FHIT: variants seen among roughly 807,000 people sequenced by gnomAD.
FHIT encodes the protein bis(5'-adenosyl)-triphosphatase.
A neutral mutation model predicts 17.9 loss-of-function variants in FHIT; 19 were observed. The ratio of observed to expected loss-of-function variants is 1.06; its 90% CI spans 0.74 to 1.56. The LOEUF is 1.56. FHIT is among the 40% of genes most tolerant of loss of function. The probability of loss-of-function intolerance (pLI) is 0.00; values close to 1 mark genes in which losing one functional copy is unlikely to be tolerated. For missense variants in FHIT, 248 were observed against 189.2 expected, an observed-to-expected ratio of 1.31 and a Z score of -1.82; for synonymous variants, 81 against 69.7, an observed-to-expected ratio of 1.16 and a Z score of -0.81.
At chr3:60,488,743 C>T (rs1424564960) in intron 5 of FHIT, among the ~76,000 whole-genome samples, 1 of 152,114 alleles carries the variant, frequency 6.6e-6, no homozygotes, top group Non-Finnish European at 1.5e-5. Context: ...AGGCAGCTCT[C>T]CAGCTAAATA....
At chr3:60,467,192 TATG>T (rs1482735598) in intron 5 of FHIT, among the ~76,000 whole-genome samples, 1 of 152,086 alleles carries the variant, frequency 6.6e-6, no homozygotes, top group Non-Finnish European at 1.5e-5. Context: ...TTTGAATTTC[TATG>T]ATATCAATTG....
intron 5 of FHIT, among the ~76,000 whole-genome samples, chr3:60,285,068 T>A (rs1054660979): frequency 6.6e-6 from 1 of 152,082 alleles, no homozygotes; most frequent in African/African-American, 2.4e-5. Flanking sequence ...TTTATTCAAA[T>A]ATTCTCCCTC....
At chr3:61,197,196 T>C (rs1036379105) in intron 2 of FHIT, among the ~76,000 whole-genome samples, 4 of 152,212 alleles carry the variant, frequency 2.6e-5, no homozygotes, top group African/African-American at 9.7e-5. Context: ...ATGCATTTGT[T>C]AAAATTTACT....
intron 5 of FHIT, among the ~76,000 whole-genome samples, chr3:60,525,960 G>A (rs562209182): frequency 2.0e-5 from 3 of 152,056 alleles, no homozygotes; most frequent in African/African-American, 7.2e-5. Flanking sequence ...AAAATTAGCT[G>A]GGCGTGGTGG....
At chr3:60,710,090 A>AAC (rs2041480669) in intron 4 of FHIT, among the ~76,000 whole-genome samples, 1 of 151,854 alleles carries the variant, frequency 6.6e-6, no homozygotes, top group African/African-American at 2.4e-5. Flanking sequence ...AAAAAAAAAA[A>AAC]AAAAACTCAA....
At chr3:60,521,543 G>T (rs371968098) in intron 5 of FHIT, among the ~76,000 whole-genome samples, 1 of 152,050 alleles carries the variant, frequency 6.6e-6, no homozygotes. Flanking sequence ...CACTGTGCCC[G>T]GCCAAAAGTT....
intron 2 of FHIT, among the ~76,000 whole-genome samples, chr3:61,060,690 G>A (rs1175403514): frequency 6.6e-6 from 1 of 152,210 alleles, no homozygotes; most frequent in African/African-American, 2.4e-5. Context: ...TTGGCTTCTT[G>A]CTTGATGTTT....
At chr3:60,943,977 C>T (rs376302233) in intron 3 of FHIT, among the ~76,000 whole-genome samples, 1 of 152,050 alleles carries the variant, frequency 6.6e-6, no homozygotes. Context: ...AAATTTCTAT[C>T]GGGAACAGCT....
chr3:60,594,186 C>T (rs2038184176), intron 4 of FHIT, among the ~76,000 whole-genome samples: 1 of 152,144 alleles, frequency 6.6e-6, no homozygotes, highest in Non-Finnish European at 1.5e-5. Context: ...AAACAGTACA[C>T]TGGCAAACTG....
chr3:60,333,550 T>C (rs1006603010), intron 5 of FHIT, among the ~76,000 whole-genome samples: 14 of 152,000 alleles, frequency 9.2e-5, no homozygotes, highest in African/African-American at 2.9e-4. Flanking sequence ...CTACAAATTA[T>C]AGCAAATTTA....
chr3:60,555,275 G>T (rs1321568885), intron 4 of FHIT, among the ~76,000 whole-genome samples: 2 of 152,174 alleles, frequency 1.3e-5, no homozygotes, highest in African/African-American at 4.8e-5. Context: ...TATAGCCTCT[G>T]TGTTATGTCC....
chr3:60,670,307 A>C (rs1322984867), intron 4 of FHIT, among the ~76,000 whole-genome samples: 2 of 152,190 alleles, frequency 1.3e-5, no homozygotes, highest in Non-Finnish European at 2.9e-5. Flanking sequence ...CAGCCTAGAA[A>C]CCTGCCTTTC....
chr3:60,142,180 T>C (rs1286075625), intron 5 of FHIT, among the ~76,000 whole-genome samples: 6 of 152,150 alleles, frequency 3.9e-5, no homozygotes, highest in Non-Finnish European at 7.3e-5. Flanking sequence ...CTTTATCAGC[T>C]CAAATCATGA....
chr3:60,737,534 G>T (rs2042158259), intron 4 of FHIT, among the ~76,000 whole-genome samples: 1 of 152,134 alleles, frequency 6.6e-6, no homozygotes, highest in Admixed American at 6.5e-5. Context: ...GCATTGTGTT[G>T]GTACACCAAC....
chr3:60,380,301 CT>C (rs1700744480), intron 5 of FHIT, among the ~76,000 whole-genome samples: 1 of 152,182 alleles, frequency 6.6e-6, no homozygotes, highest in Non-Finnish European at 1.5e-5. Flanking sequence ...CTCACTGCCT[CT>C]TGCCATGGGA....
intron 7 of FHIT, among the ~76,000 whole-genome samples, chr3:59,998,884 C>T (rs530896029): frequency 2.0e-5 from 3 of 152,244 alleles, no homozygotes; most frequent in Non-Finnish European, 2.9e-5. Context: ...TTAGACTGCA[C>T]GGCAAATTAA....
chr3:60,455,051 A>G (rs893841298), intron 5 of FHIT, among the ~76,000 whole-genome samples: 2 of 152,182 alleles, frequency 1.3e-5, no homozygotes, highest in Non-Finnish European at 2.9e-5. Flanking sequence ...GAGAATATAT[A>G]TATTTTAAAT....
Position 60,284,138 on chromosome 3 carries a change from TTGTC to T in FHIT, c.103+252718_103+252721del, listed in dbSNP as rs1329739267. Among the ~76,000 whole-genome samples the T allele has an allele frequency of 2.0e-5, 3 of 152,148 alleles. No individual in the cohort carries two copies. The East Asian group carries it at 5.8e-4, about 29-fold the overall frequency. On this transcript the variant is annotated intron_variant, in intron 5 of 9. Transcript: ENST00000492590. ...AGAAGAACAGTATATATTACACTAT[TTGTC>T]TGAAGAGCAAACTGAAAATGAGAAC...
At chr3:60,679,598 T>A (rs1428129104) in intron 4 of FHIT, among the ~76,000 whole-genome samples, 2 of 152,132 alleles carry the variant, frequency 1.3e-5, no homozygotes, top group Non-Finnish European at 2.9e-5. Context: ...ATTTAACAAT[T>A]TCACTGTTTA....
Sources: allele counts gnomAD v4.1 joint callset (sites outside exome capture counted in the v4.1 genomes callset), GRCh38; gene constraint gnomAD v4.1.1; transcripts MANE v1.5; gene names NCBI Gene and HGNC (gene_info 2026-07-23, HGNC 2026-07-21).